The following TYR variants were observed in gnomAD, a reference collection of about 807,000 sequenced individuals.
TYR encodes LB24-AB.
A neutral mutation model predicts 51.5 loss-of-function variants in TYR; 58 were observed. That is an observed-to-expected ratio of 1.13 (90% CI 0.91 to 1.40). The LOEUF is 1.40. Among genes scored for constraint, TYR ranks in the 40% most tolerant of loss-of-function variants. The probability of loss-of-function intolerance (pLI) is 0.00; values close to 1 mark genes in which losing one functional copy is unlikely to be tolerated. For missense variants in TYR, 732 were observed against 647.4 expected (o/e 1.13, Z -1.42); for synonymous variants, 263 against 235.2 (o/e 1.12, Z -1.08).
intron 3 of TYR, among the ~76,000 whole-genome samples, chr11:89,259,577 G>A (rs1043585418): frequency 2.0e-5 from 3 of 152,004 alleles, no homozygotes; most frequent in Non-Finnish European, 4.4e-5. Context: ...GGAAAAAATA[G>A]GACCAAGAAA....
intron 2 of TYR, among the ~76,000 whole-genome samples, chr11:89,194,550 C>G (rs558887731): frequency 6.6e-6 from 1 of 152,144 alleles, no homozygotes; most frequent in East Asian, 1.9e-4. Flanking sequence ...CAGTTGGCAT[C>G]GTCGATGGTT....
chr11:89,239,311 G>A (rs544064251), intron 3 of TYR, among the ~76,000 whole-genome samples: 2 of 152,078 alleles, frequency 1.3e-5, no homozygotes, highest in East Asian at 1.9e-4. Context: ...TTTGGACATT[G>A]TGTGTTTCTT....
chr11:89,288,800 G>A (rs1280730989), intron 4 of TYR, among the ~76,000 whole-genome samples: 1 of 151,888 alleles, frequency 6.6e-6, no homozygotes, highest in African/African-American at 2.4e-5. Context: ...TCTATTTTAT[G>A]AATTTTTCCA....
intron 2 of TYR, among the ~76,000 whole-genome samples, chr11:89,194,146 T>C (rs1475252900): frequency 6.6e-6 from 1 of 152,212 alleles, no homozygotes; most frequent in African/African-American, 2.4e-5. Context: ...TTAGTTTTCA[T>C]GGTTCTTTAG....
intron 4 of TYR, among the ~76,000 whole-genome samples, chr11:89,286,423 A>G (rs1944787519): frequency 6.6e-6 from 1 of 151,972 alleles, no homozygotes; most frequent in Middle Eastern, 3.4e-3. Context: ...ACTCTTCTCA[A>G]TGTGCCCTAT....
At chr11:89,238,755 T>C (rs1412353487) in intron 3 of TYR, among the ~76,000 whole-genome samples, 3 of 152,156 alleles carry the variant, frequency 2.0e-5, no homozygotes, top group Non-Finnish European at 4.4e-5. Flanking sequence ...TGTATTGAGG[T>C]ACGTTCCATC....
chr11:89,267,705 T>C (rs1944542019), intron 3 of TYR, among the ~76,000 whole-genome samples: 1 of 152,000 alleles, frequency 6.6e-6, no homozygotes, highest in African/African-American at 2.4e-5. Flanking sequence ...AGTTTTTATT[T>C]GTAATGTAAA....
intron 3 of TYR, among the ~76,000 whole-genome samples, chr11:89,262,874 AAC>A: frequency 8.6e-6 from 1 of 116,756 alleles, no homozygotes; most frequent in African/African-American, 3.8e-5. Context: ...AAAAAAAAAC[AAC>A]AACAACAACA....
At chr11:89,181,529 A>T (rs184255593) in intron 1 of TYR, among the ~76,000 whole-genome samples, 67 of 152,330 alleles carry the variant, frequency 4.4e-4, no homozygotes, top group African/African-American at 1.6e-3. Context: ...ATGAGATCAA[A>T]TAGTTTCTAG....
intron 3 of TYR, among the ~76,000 whole-genome samples, chr11:89,253,453 T>C (rs900092846): frequency 1.3e-5 from 2 of 151,896 alleles, no homozygotes; most frequent in African/African-American, 4.8e-5. Context: ...TCCACGAGCA[T>C]GGAATGTGTT....
At chr11:89,292,181 T>C (rs891168941) in intron 4 of TYR, among the ~76,000 whole-genome samples, 3 of 152,030 alleles carry the variant, frequency 2.0e-5, no homozygotes, top group African/African-American at 7.2e-5. Context: ...TGTCTGCCCT[T>C]CTCATTCCAC....
chr11:89,241,771 C>T (rs567105026), intron 3 of TYR, among the ~76,000 whole-genome samples: 1 of 146,638 alleles, frequency 6.8e-6, no homozygotes, highest in African/African-American at 2.5e-5. Context: ...TTATATATTA[C>T]TATAATAGAT....
intron 3 of TYR, among the ~76,000 whole-genome samples, chr11:89,270,556 G>T (rs1322443565): frequency 6.6e-6 from 1 of 151,806 alleles, no homozygotes; most frequent in Non-Finnish European, 1.5e-5. Context: ...ACTGATGGGG[G>T]TTAATGAATG....
chr11:89,204,228 G>A (rs1943640358), intron 2 of TYR, among the ~76,000 whole-genome samples: 1 of 152,174 alleles, frequency 6.6e-6, no homozygotes, highest in Non-Finnish European at 1.5e-5. Flanking sequence ...AAGTAGTTGA[G>A]GAGCAGTAAT....
chr11:89,282,307 A>T (rs1350976155), intron 3 of TYR, among the ~76,000 whole-genome samples: 4 of 151,836 alleles, frequency 2.6e-5, no homozygotes. Flanking sequence ...TTCCCAAATC[A>T]GTCAAAATTT....
chr11:89,181,337 A>G (rs1200635566), intron 1 of TYR, among the ~76,000 whole-genome samples: 1 of 152,104 alleles, frequency 6.6e-6, no homozygotes, highest in East Asian at 1.9e-4. Flanking sequence ...GCATTTTTAA[A>G]CCCTCATTTT....
At chr11:89,268,909 TC>T (rs1944557033) in intron 3 of TYR, among the ~76,000 whole-genome samples, 1 of 151,924 alleles carries the variant, frequency 6.6e-6, no homozygotes, top group South Asian at 2.1e-4. Flanking sequence ...GTGATACCTT[TC>T]CCATAATTTA....
intron 2 of TYR, chr11:89,191,879 T>C (rs993498265): frequency 3.3e-6 from 1 of 307,652 alleles, no homozygotes; most frequent in African/African-American, 2.3e-5. Context: ...TAAAGTCAGT[T>C]TTTTCCATTA....
chr11:89,254,142 C>A (rs1013489734), intron 3 of TYR, among the ~76,000 whole-genome samples: 1 of 151,508 alleles, frequency 6.6e-6, no homozygotes, highest in African/African-American at 2.4e-5. Flanking sequence ...GACTTGTTTA[C>A]ATTAAACTAT....
Sources: allele counts gnomAD v4.1 joint callset (sites outside exome capture counted in the v4.1 genomes callset), GRCh38; gene constraint gnomAD v4.1.1; transcripts MANE v1.5; gene names NCBI Gene and HGNC (gene_info 2026-07-23, HGNC 2026-07-21).